The following RGS7 variants were observed in gnomAD, a reference collection of about 807,000 sequenced individuals.
RGS7 encodes the protein regulator of G-protein signaling 7.
A neutral mutation model predicts 81.1 loss-of-function variants in RGS7; 27 were observed. The ratio of observed to expected loss-of-function variants is 0.33; its 90% CI spans 0.25 to 0.46. The LOEUF (loss-of-function observed/expected upper bound fraction) is 0.46, where lower values mean the gene tolerates loss of function less well. RGS7 is among the 20% of genes least tolerant of loss of function. RGS7 has a pLI of 1.00. For synonymous variants in RGS7, 208 were observed against 207.7 expected, an observed-to-expected ratio of 1.00 and a Z score of -0.01; for missense variants, 396 against 607.4, an observed-to-expected ratio of 0.65 and a Z score of 3.66.
In RGS7 at chr1:241,251,321, GT is replaced by G. The variant is rs538255415; in HGVS notation, c.78+104377del. Among the ~76,000 whole-genome samples, 307 of 152,162 alleles carry G rather than the reference GT, an allele frequency of 2.0e-3. 3 individuals are homozygous for G. The highest frequency in any genetic ancestry group is 3.3e-3 in the Non-Finnish European group (225 of 68,004). On this transcript the variant is annotated intron_variant, in intron 2 of 18. Transcript: ENST00000440928. ...TCAGATGTCTTGCTTTATTGTTGCA[GT>G]TTAGCAAGACAAGAAACTCTCCCAA... is the stretch of plus-strand genomic sequence containing the variant.
At chr1:241,087,945 T>C (rs547702746) in intron 3 of RGS7, among the ~76,000 whole-genome samples, 3 of 63,902 alleles carry the variant, frequency 4.7e-5, no homozygotes, top group East Asian at 7.7e-4. Flanking sequence ...CAAGACTCCA[T>C]CTCTCTCTCT....
intron 18 of RGS7, among the ~76,000 whole-genome samples, chr1:240,783,864 T>C (rs1286995941): frequency 6.6e-6 from 1 of 151,984 alleles, no homozygotes. Context: ...AGCCCACTTA[T>C]TTTATTGCTG....
intron 2 of RGS7, among the ~76,000 whole-genome samples, chr1:241,111,261 T>C (rs568959099): frequency 6.6e-6 from 1 of 152,316 alleles, no homozygotes; most frequent in South Asian, 2.1e-4. Context: ...TTCCTATTAT[T>C]TAATTCTTGC....
intron 4 of RGS7, among the ~76,000 whole-genome samples, chr1:240,944,278 GTGTGTATATATATATATATA>G (rs1193244630): frequency 2.0e-4 from 4 of 20,462 alleles, no homozygotes; most frequent in African/African-American, 4.6e-4. Flanking sequence ...GTGTGTGTGT[GTGTGTATATATATATATATA>G]TATATATATA....
intron 9 of RGS7, among the ~76,000 whole-genome samples, chr1:240,829,826 G>A (rs1453912479): frequency 3.3e-5 from 5 of 152,026 alleles, no homozygotes; most frequent in Non-Finnish European, 7.4e-5. Context: ...TTTTTTTAAA[G>A]AGCCAAGTAT....
At chr1:241,153,529 T>C (rs2068901203) in intron 2 of RGS7, among the ~76,000 whole-genome samples, 2 of 152,208 alleles carry the variant, frequency 1.3e-5, no homozygotes, top group South Asian at 4.1e-4. Context: ...GGAAATACTC[T>C]GTGCTGCTCC....
chr1:241,088,964 T>C (rs2063654222), intron 3 of RGS7, among the ~76,000 whole-genome samples: 1 of 141,212 alleles, frequency 7.1e-6, no homozygotes. Context: ...TGAGTTGAGA[T>C]GGCGCGAGTT....
chr1:241,060,921 C>T (rs931420816), intron 3 of RGS7, among the ~76,000 whole-genome samples: 1 of 152,148 alleles, frequency 6.6e-6, no homozygotes, highest in African/African-American at 2.4e-5. Context: ...GGAAGAATCC[C>T]CAAAACTCTA....
intron 2 of RGS7, among the ~76,000 whole-genome samples, chr1:241,315,095 T>TC (rs1207124876): frequency 7.2e-6 from 1 of 139,400 alleles, no homozygotes; most frequent in Non-Finnish European, 1.5e-5. Context: ...GCTTTTTTTT[T>TC]TTCTTCTTCT....
chr1:241,133,345 C>T (rs1221702753), intron 2 of RGS7, among the ~76,000 whole-genome samples: 1 of 149,304 alleles, frequency 6.7e-6, no homozygotes, highest in Non-Finnish European at 1.5e-5. Context: ...TTCTTTGACC[C>T]ATTTTAATGG....
intron 3 of RGS7, among the ~76,000 whole-genome samples, chr1:240,989,310 C>T (rs1686119473): frequency 1.3e-5 from 2 of 151,588 alleles, no homozygotes; most frequent in African/African-American, 4.9e-5. Flanking sequence ...CATGATGTTG[C>T]GTGCCTGTAA....
rs2077883957 is a variant in RGS7, at chr1:241,271,299, T to G, written c.78+84400A>C. Among the ~76,000 whole-genome samples, 1 of 152,194 alleles carries G rather than the reference T, an allele frequency of 6.6e-6. No homozygotes were observed. Among genetic ancestry groups the G allele is most frequent in the African/African-American group, 2.4e-5 (1 of 41,448 alleles). ...TCCTGACATACTTGACGGGGGAGAC[T>G]GGTGTCACATGAGGACCAGTAAAAA... On this transcript the variant is annotated intron_variant, in intron 2 of 18. Coordinates refer to ENST00000440928, the MANE Select transcript of RGS7 (RefSeq NM_001364886.1). The surrounding 1 kb of genome is among the most constrained non-coding windows in gnomAD (Gnocchi z 4.6).
chr1:241,169,336 C>CTTTTTT (rs57753661), intron 2 of RGS7, among the ~76,000 whole-genome samples: 2 of 74,274 alleles, frequency 2.7e-5, no homozygotes, highest in Admixed American at 2.0e-4. Flanking sequence ...ATGTGTGTTT[C>CTTTTTT]TTTTTTTTTT....
intron 2 of RGS7, among the ~76,000 whole-genome samples, chr1:241,099,609 T>A (rs565628934): frequency 6.6e-6 from 1 of 152,370 alleles, no homozygotes; most frequent in South Asian, 2.1e-4. Context: ...AATTTAGTTT[T>A]GAAGAACATT....
intron 14 of RGS7, among the ~76,000 whole-genome samples, chr1:240,808,436 G>A (rs1213887945): frequency 6.6e-6 from 1 of 152,196 alleles, no homozygotes; most frequent in Non-Finnish European, 1.5e-5. Flanking sequence ...GTAAGTGCAG[G>A]CACTGCTCTA....
At chr1:240,962,113 T>A (rs2148477892) in intron 4 of RGS7, among the ~76,000 whole-genome samples, 1 of 152,244 alleles carries the variant, frequency 6.6e-6, no homozygotes, top group South Asian at 2.1e-4. Flanking sequence ...CTTCCTTAGC[T>A]CACCGTACTT....
intron 2 of RGS7, among the ~76,000 whole-genome samples, chr1:241,280,917 A>G (rs2078465148): frequency 6.6e-6 from 1 of 152,170 alleles, no homozygotes; most frequent in African/African-American, 2.4e-5. Context: ...ACTACAGCTG[A>G]CTCTTGAAAC....
intron 2 of RGS7, among the ~76,000 whole-genome samples, chr1:241,185,669 C>T (rs897416675): frequency 5.3e-5 from 8 of 151,830 alleles, no homozygotes; most frequent in African/African-American, 1.9e-4. Flanking sequence ...CAAAATAGAG[C>T]TCAATTACAG....
chr1:241,280,288 G>A (rs572546476), intron 2 of RGS7, among the ~76,000 whole-genome samples: 7 of 152,258 alleles, frequency 4.6e-5, no homozygotes, highest in South Asian at 4.1e-4. Flanking sequence ...CGTGATTGCC[G>A]GATCCCTCCA....
Sources: allele counts gnomAD v4.1 joint callset (sites outside exome capture counted in the v4.1 genomes callset), GRCh38; gene constraint gnomAD v4.1.1; non-coding constraint Gnocchi (gnomAD v3.1); transcripts MANE v1.5; gene names NCBI Gene and HGNC (gene_info 2026-07-23, HGNC 2026-07-21).